Variants in PJA2 observed in about 807,000 individuals in gnomAD.
PJA2 encodes praja ring finger ubiquitin ligase 2.
In PJA2, 25 loss-of-function variants were observed where a neutral mutation model predicts 69.3. The ratio of observed to expected loss-of-function variants is 0.36; its 90% CI spans 0.26 to 0.50. PJA2 has a LOEUF of 0.50. PJA2 is among the 20% of genes least tolerant of loss of function. PJA2 has a pLI of 0.96. For missense variants in PJA2, 809 were observed against 830.2 expected, an observed-to-expected ratio of 0.97 and a Z score of 0.31; for synonymous variants, 308 against 277.8, an observed-to-expected ratio of 1.11 and a Z score of -1.08.
intron 4 of PJA2, among the ~76,000 whole-genome samples, chr5:109,376,624 T>C (rs570924174): frequency 6.6e-6 from 1 of 151,836 alleles, no homozygotes; most frequent in South Asian, 2.1e-4. Flanking sequence ...GAAGAAAAAG[T>C]GTAACTGGGG....
chr5:109,369,824 G>A (rs1331335269), intron 4 of PJA2, among the ~76,000 whole-genome samples: 1 of 152,094 alleles, frequency 6.6e-6, no homozygotes, highest in East Asian at 1.9e-4. Flanking sequence ...CCTGAGGTCG[G>A]GAGTTCGAGA....
At chr5:109,367,393 T>TAA (rs1028961676) in intron 5 of PJA2, among the ~76,000 whole-genome samples, 1 of 149,448 alleles carries the variant, frequency 6.7e-6, no homozygotes, top group Non-Finnish European at 1.5e-5. Flanking sequence ...GTTCTTTTCC[T>TAA]AAAAAAAAAC....
chr5:109,354,388 C>CTATAGATTGGATA lies in PJA2; in HGVS notation c.1764+1526_1764+1527insTATCCAATCTATA, dbSNP rs1561346204. Among the ~76,000 whole-genome samples, 10 of 135,284 alleles carry CTATAGATTGGATA rather than the reference C, an allele frequency of 7.4e-5. 2 individuals carry two copies. The highest frequency in any genetic ancestry group is 2.5e-4 in the African/African-American group (8 of 32,610). 88.8% of individuals were successfully genotyped at this position (135,284 alleles called of 152,430 possible). A position where few individuals can be genotyped will look rare whatever the true frequency, so the allele number is the denominator to read the frequency against. On this transcript the variant is annotated intron_variant, in intron 7 of 9. Coordinates refer to ENST00000361189, the MANE Select transcript of PJA2 (RefSeq NM_014819.5). ...CTAGAGATATCTATAGATTAGATAT[C>CTATAGATTGGATA]TCTGATATCTAGAGATATCTATAGA...
In PJA2 at chr5:109,409,879, G is replaced by T; in HGVS notation, c.-125C>A. On this transcript the variant is annotated 5_prime_UTR_variant, in exon 1 of 10. Coordinates refer to ENST00000361189, the MANE Select transcript of PJA2 (RefSeq NM_014819.5). ...CGGCTCCGGAGCGAGAACAGCGCTC[G>T]AACCTCCACCCGCCACCACCGCCTT... 6.1e-6 allele frequency: 1 copy of T among 162,760 alleles called. No individual in the cohort carries two copies. The highest frequency in any genetic ancestry group is 1.2e-4 in the South Asian group (1 of 8,342). 10.1% of individuals were successfully genotyped at this position (162,760 alleles called of 1,614,324 possible). A position where few individuals can be genotyped will look rare whatever the true frequency, so the allele number is the denominator to read the frequency against.
intron 1 of PJA2, among the ~76,000 whole-genome samples, chr5:109,387,098 G>A (rs1747175965): frequency 6.6e-6 from 1 of 151,768 alleles, no homozygotes; most frequent in Non-Finnish European, 1.5e-5. Context: ...CTACAGACTG[G>A]GAGATTTCAC....
chr5:109,361,971 A>G (rs1321745036), intron 6 of PJA2, among the ~76,000 whole-genome samples: 5 of 152,224 alleles, frequency 3.3e-5, no homozygotes, highest in Non-Finnish European at 7.3e-5. Context: ...GACTTAAAAC[A>G]TATGTTCTGG....
chr5:109,342,669 G>A (rs1347629200), intron 9 of PJA2, among the ~76,000 whole-genome samples: 8 of 114,674 alleles, frequency 7.0e-5, no homozygotes, highest in Non-Finnish European at 1.1e-4. Flanking sequence ...TCAGCCCCCC[G>A]CCTGGCCAGC....
chr5:109,377,414 C>T (rs1261751742), intron 4 of PJA2, among the ~76,000 whole-genome samples: 3 of 152,076 alleles, frequency 2.0e-5, no homozygotes, highest in Admixed American at 6.6e-5. Flanking sequence ...AATTCAGCAA[C>T]TGAACAAAGA....
At chr5:109,394,020 C>T (rs1487732061) in intron 1 of PJA2, among the ~76,000 whole-genome samples, 1 of 144,778 alleles carries the variant, frequency 6.9e-6, no homozygotes, top group African/African-American at 2.5e-5. Flanking sequence ...GAAGGATGTG[C>T]TAGTAACATT....
chr5:109,406,171 G>C (rs553288553), intron 1 of PJA2, among the ~76,000 whole-genome samples: 1 of 151,782 alleles, frequency 6.6e-6, no homozygotes, highest in Non-Finnish European at 1.5e-5. Flanking sequence ...AGCCGGAGTA[G>C]CTGGCACTAC....
At chr5:109,408,307 T>C (rs995450518) in intron 1 of PJA2, among the ~76,000 whole-genome samples, 3 of 152,194 alleles carry the variant, frequency 2.0e-5, no homozygotes, top group Admixed American at 2.0e-4. Context: ...ATTAGAAAGT[T>C]ATTTTCATTA....
At position 109,379,000 on chromosome 5, in the gene PJA2, C is replaced by G. The variant is rs1722540182; in HGVS notation, c.487G>C (p.Val163Leu). The G allele has an allele frequency of 3.1e-6, 5 of 1,614,042 alleles. No individual in the cohort carries two copies. The highest frequency in any genetic ancestry group is 1.3e-5 in the African/African-American group (1 of 74,922). Residue 163 changes from valine to leucine, a missense_variant, in exon 4 of 10, where the codon GTT (valine) becomes CTT (leucine). By Grantham distance (32) the Val-to-Leu change is conservative. Coordinates refer to ENST00000361189, the MANE Select transcript of PJA2 (RefSeq NM_014819.5). ...ASSVQNGIAL[V>L]HTDSYDPDGK... is the part of the protein sequence containing the mutation. ...TCTGGATCATAAGAGTCTGTATGAA[C>G]CAATGCAATTCCATTTTGGACACTT...
At chr5:109,383,145 A>C (rs925207526) in intron 2 of PJA2, among the ~76,000 whole-genome samples, 1 of 152,234 alleles carries the variant, frequency 6.6e-6, no homozygotes, top group African/African-American at 2.4e-5. Context: ...GCCCTTAACA[A>C]TTCTACCAAA....
At chr5:109,386,720 G>C (rs963044201) in intron 1 of PJA2, among the ~76,000 whole-genome samples, 2 of 151,942 alleles carry the variant, frequency 1.3e-5, no homozygotes, top group African/African-American at 4.8e-5. Context: ...CAAACACTGA[G>C]TCCTTGGACA....
chr5:109,342,534 G>A (rs1189949471), intron 9 of PJA2, among the ~76,000 whole-genome samples: 20 of 102,712 alleles, frequency 1.9e-4, no homozygotes, highest in African/African-American at 8.6e-4. Context: ...GGGGGGGTCA[G>A]CTCCCCCACC....
intron 5 of PJA2, among the ~76,000 whole-genome samples, chr5:109,365,136 T>A (rs558174359): frequency 6.6e-6 from 1 of 152,324 alleles, no homozygotes; most frequent in East Asian, 1.9e-4. Context: ...CTTCCAGTTA[T>A]TTCTCCTAAA....
intron 7 of PJA2, among the ~76,000 whole-genome samples, chr5:109,354,544 A>G (rs1190928330): frequency 7.3e-6 from 1 of 137,338 alleles, no homozygotes; most frequent in East Asian, 2.1e-4. Context: ...ATCTATAGAT[A>G]TCTATATCGA....
In PJA2 at chr5:109,335,075, T is replaced by G. The variant is rs891556825; in HGVS notation, c.*2156A>C. 1 of 152,612 alleles carries G rather than the reference T, an allele frequency of 6.6e-6. No individual in the cohort carries two copies. The highest frequency in any genetic ancestry group is 2.4e-5 in the African/African-American group (1 of 41,462). 9.5% of individuals were successfully genotyped at this position (152,612 alleles called of 1,614,324 possible). A position where few individuals can be genotyped will look rare whatever the true frequency, so the allele number is the denominator to read the frequency against. On this transcript the variant is annotated 3_prime_UTR_variant, in exon 10 of 10. Transcript: ENST00000361189. ...TATTCATACTTATTTCTAATTTACC[T>G]TCATATAGTCTTAACTTTTTCAAAA...
chr5:109,363,931 C>T (rs746828554), intron 5 of PJA2, among the ~76,000 whole-genome samples: 1 of 152,216 alleles, frequency 6.6e-6, no homozygotes. Flanking sequence ...TCAGGCAGAT[C>T]ACTTGAGGCC....
Sources: allele counts gnomAD v4.1 joint callset (sites outside exome capture counted in the v4.1 genomes callset), GRCh38; gene constraint gnomAD v4.1.1; transcripts MANE v1.5; gene names NCBI Gene and HGNC (gene_info 2026-07-23, HGNC 2026-07-21).